PTPRN2: variants seen among roughly 807,000 people sequenced by gnomAD.
The protein encoded by PTPRN2 is protein tyrosine phosphatase receptor type N2.
A neutral mutation model predicts 118.8 loss-of-function variants in PTPRN2; 74 were observed. The observed-to-expected ratio is 0.62, with a 90% CI of 0.52 to 0.76. The LOEUF (loss-of-function observed/expected upper bound fraction) is 0.76, where lower values mean the gene tolerates loss of function less well. Among genes scored for constraint, PTPRN2 ranks in the 30% least tolerant of loss-of-function variants. The pLI, the probability that PTPRN2 is intolerant of heterozygous loss-of-function variation, is 0.00. For synonymous variants in PTPRN2, 641 were observed against 608.0 expected, an observed-to-expected ratio of 1.05 and a Z score of -0.80; for missense variants, 1,481 against 1,394.4, an observed-to-expected ratio of 1.06 and a Z score of -0.99.
At chr7:158,522,752 C>T (rs1284519023) in intron 1 of PTPRN2, among the ~76,000 whole-genome samples, 1 of 152,216 alleles carries the variant, frequency 6.6e-6, no homozygotes, top group Non-Finnish European at 1.5e-5. Context: ...GTCTGCAGGG[C>T]TCAGCGTCTC....
At chr7:158,097,894 G>A (rs1016168832) in intron 10 of PTPRN2, among the ~76,000 whole-genome samples, 9 of 152,196 alleles carry the variant, frequency 5.9e-5, no homozygotes, top group South Asian at 2.1e-4. Flanking sequence ...GACAGCTTGC[G>A]CATCCTGTCC....
intron 2 of PTPRN2, among the ~76,000 whole-genome samples, chr7:158,440,306 A>G (rs1440337141): frequency 6.6e-6 from 1 of 152,200 alleles, no homozygotes; most frequent in Non-Finnish European, 1.5e-5. Context: ...TCGGGCTTCA[A>G]ATCAGAGGCT....
intron 12 of PTPRN2, among the ~76,000 whole-genome samples, chr7:157,880,545 A>G (rs927175216): frequency 3.3e-5 from 5 of 152,168 alleles, no homozygotes; most frequent in Non-Finnish European, 1.5e-5. Context: ...AAAATCACCC[A>G]AGGGACCCGG....
intron 1 of PTPRN2, among the ~76,000 whole-genome samples, chr7:158,495,980 C>G (rs891872390): frequency 3.3e-5 from 5 of 152,052 alleles, no homozygotes; most frequent in Non-Finnish European, 7.4e-5. Context: ...CTGGCAGCTC[C>G]TGCCAGGCCT....
chr7:157,645,603 C>A (rs146663764), intron 14 of PTPRN2, among the ~76,000 whole-genome samples: 1 of 152,342 alleles, frequency 6.6e-6, no homozygotes, highest in East Asian at 1.9e-4. Flanking sequence ...TTCTGTGCGT[C>A]CAATAACAGG....
At chr7:158,386,069 T>C (rs1300275204) in intron 2 of PTPRN2, among the ~76,000 whole-genome samples, 1 of 104,680 alleles carries the variant, frequency 9.6e-6, no homozygotes, top group African/African-American at 4.4e-5. Flanking sequence ...CCTCCTTCTG[T>C]ACCCTTCCTC....
intron 3 of PTPRN2, among the ~76,000 whole-genome samples, chr7:158,269,008 G>A (rs571464825): frequency 4.6e-5 from 7 of 152,310 alleles, no homozygotes; most frequent in East Asian, 1.9e-4. Context: ...CTTTTTGAAC[G>A]CACACACTGA....
In PTPRN2 at chr7:158,395,347, C is replaced by CGAGGGG. The variant is rs1812303409; in HGVS notation, c.164-78416_164-78415insCCCCTC. The stretch of plus-strand genomic sequence containing the variant: ...GGGGCGAGGGGCGAGGCGCGAGGGG[C>CGAGGGG]CAGGGGCCAGGGGCGAGGGGCGAGG... On this transcript the variant is annotated intron_variant, in intron 2 of 22. Coordinates refer to ENST00000389418, the MANE Select transcript of PTPRN2 (RefSeq NM_002847.5). Among the ~76,000 whole-genome samples the CGAGGGG allele has an allele frequency of 2.5e-4, 2 of 8,036 alleles. 1 individual carries two copies. Among genetic ancestry groups the CGAGGGG allele is most frequent in the Admixed American group, 2.6e-3 (2 of 760 alleles). 5.3% of individuals were successfully genotyped at this position (8,036 alleles called of 152,430 possible).
At chr7:157,839,287 C>T (rs1417762623) in intron 12 of PTPRN2, among the ~76,000 whole-genome samples, 1 of 152,198 alleles carries the variant, frequency 6.6e-6, no homozygotes. Context: ...ACTGTGAGTG[C>T]ATGTTCATCA....
chr7:158,236,741 C>G (rs1795576471), intron 3 of PTPRN2, among the ~76,000 whole-genome samples: 1 of 152,240 alleles, frequency 6.6e-6, no homozygotes, highest in Admixed American at 6.5e-5. Flanking sequence ...CCCGTCCCCA[C>G]CCAGCCACTC....
Position 158,509,176 on chromosome 7 carries a change from C to G in PTPRN2, c.113-19391G>C, listed in dbSNP as rs2129446909. 6.6e-6 allele frequency among the ~76,000 whole-genome samples: 1 copy of G among 152,272 alleles called. No individual in the cohort carries two copies. The highest frequency in any genetic ancestry group is 1.9e-4 in the East Asian group (1 of 5,182). On this transcript the variant is annotated intron_variant, in intron 1 of 22. Transcript: ENST00000389418. This position sits in a 1 kb window ranked among gnomAD's most constrained non-coding sequence, Gnocchi z 4.4. ...GGCGCCACACACAGCCTCCACGCAG[C>G]CTCCACCCAGCAGGCGGGACCAGTG... is the stretch of plus-strand genomic sequence containing the variant.
chr7:158,083,656 G>A (rs776753742), intron 10 of PTPRN2, among the ~76,000 whole-genome samples: 11 of 152,198 alleles, frequency 7.2e-5, no homozygotes, highest in South Asian at 2.1e-4. Flanking sequence ...TTTCTTGCAC[G>A]CATGCCGAGC....
At chr7:158,192,985 A>G (rs1478845537) in intron 4 of PTPRN2, among the ~76,000 whole-genome samples, 3 of 152,180 alleles carry the variant, frequency 2.0e-5, no homozygotes, top group African/African-American at 7.2e-5. Flanking sequence ...ATAAATGTGC[A>G]TTGTTTTAGG....
At chr7:158,103,865 A>ATTTT (rs1225817208) in intron 10 of PTPRN2, among the ~76,000 whole-genome samples, 1 of 149,868 alleles carries the variant, frequency 6.7e-6, no homozygotes. Context: ...ACAGATTATT[A>ATTTT]TTATTTTTTT....
In PTPRN2 at chr7:158,183,809, CA is replaced by C. The variant is rs1318072587; in HGVS notation, c.549+8517del. Among the ~76,000 whole-genome samples the C allele has an allele frequency of 4.6e-5, 7 of 152,270 alleles. No individual in the cohort carries two copies. The East Asian group carries it at 1.4e-3, about 29-fold the overall frequency. ...GTAGGCTGCAGCCTGCCACTTCTTTCAAAGGTTCTGTGGTTTCTTTTAGTTT... is the reference window on the plus strand; with the variant it reads ...GTAGGCTGCAGCCTGCCACTTCTTTCAAGGTTCTGTGGTTTCTTTTAGTTT... On this transcript the variant is annotated intron_variant, in intron 5 of 22. Coordinates refer to ENST00000389418, the MANE Select transcript of PTPRN2 (RefSeq NM_002847.5).
intron 3 of PTPRN2, among the ~76,000 whole-genome samples, chr7:158,208,759 A>G (rs917038422): frequency 1.3e-5 from 2 of 152,198 alleles, no homozygotes; most frequent in South Asian, 2.1e-4. Context: ...ACAGAATATC[A>G]TAACACTGTA....
intron 9 of PTPRN2, among the ~76,000 whole-genome samples, chr7:158,121,621 G>A (rs560353417): frequency 1.3e-5 from 2 of 152,284 alleles, no homozygotes; most frequent in East Asian, 3.9e-4. Context: ...CGAATCCTGG[G>A]CCCAGCCCTC....
chr7:158,139,959 G>C (rs1819217880), intron 6 of PTPRN2, among the ~76,000 whole-genome samples: 2 of 129,232 alleles, frequency 1.5e-5, no homozygotes, highest in Admixed American at 1.5e-4. Context: ...AGCTGAGCCA[G>C]TGGGTCCCTG....
At position 158,082,580 on chromosome 7, in the gene PTPRN2, A is replaced by C. The variant is rs150602536; in HGVS notation, c.1644-1203T>G. On this transcript the variant is annotated intron_variant, in intron 10 of 22. Transcript: ENST00000389418. ...TATTCCATGTGGACGTCTTAGCATC[A>C]CTTTGAACTCAACAAGGTCTCCCTT... Among the ~76,000 whole-genome samples, 791 of 152,316 alleles carry C rather than the reference A, an allele frequency of 5.2e-3. 5 individuals are homozygous for C. The highest frequency in any genetic ancestry group is 0.018 in the African/African-American group (755 of 41,578).
Sources: allele counts gnomAD v4.1 joint callset (sites outside exome capture counted in the v4.1 genomes callset), GRCh38; gene constraint gnomAD v4.1.1; non-coding constraint Gnocchi (gnomAD v3.1); transcripts MANE v1.5; gene names NCBI Gene and HGNC (gene_info 2026-07-23, HGNC 2026-07-21).